Variants in RASSF8 observed in about 807,000 individuals in gnomAD.
RASSF8 encodes the protein ras association domain-containing protein 8.
In RASSF8, 22 loss-of-function variants were observed where a neutral mutation model predicts 48.5. The ratio of observed to expected loss-of-function variants is 0.45; its 90% confidence interval spans 0.32 to 0.65. RASSF8 has a LOEUF of 0.65. Ranked by LOEUF, RASSF8 falls within the 30% of genes least tolerant of loss-of-function variation. RASSF8 has a pLI of 0.03. For missense variants in RASSF8, 418 were observed against 489.2 expected (o/e 0.85, Z 1.37); for synonymous variants, 127 against 171.5 (o/e 0.74, Z 2.03).
chr12:26,051,996 A>G (rs1173658990), intron 2 of RASSF8, among the ~76,000 whole-genome samples: 1 of 152,194 alleles, frequency 6.6e-6, no homozygotes, highest in Non-Finnish European at 1.5e-5. Context: ...ACTCACAAAA[A>G]ACATGGCACC....
intron 2 of RASSF8, among the ~76,000 whole-genome samples, chr12:26,048,245 G>A (rs1210165787): frequency 6.6e-6 from 1 of 152,198 alleles, no homozygotes; most frequent in Non-Finnish European, 1.5e-5. Flanking sequence ...CCTTTTACAT[G>A]CCTGGAGAAA....
chr12:26,059,135 AT>A (rs1943683121), intron 3 of RASSF8, among the ~76,000 whole-genome samples: 2 of 152,240 alleles, frequency 1.3e-5, no homozygotes, highest in Non-Finnish European at 2.9e-5. Context: ...GAGAAAATGC[AT>A]TTGCTTTTAT....
At chr12:26,021,794 C>T (rs1181426439) in intron 2 of RASSF8, among the ~76,000 whole-genome samples, 10 of 152,182 alleles carry the variant, frequency 6.6e-5, no homozygotes, top group Non-Finnish European at 5.9e-5. Context: ...ATTTTGCCCA[C>T]TGAGAGAAGC....
chr12:25,964,938 ATTAATTAAT>A (rs1941322299), intron 1 of RASSF8, among the ~76,000 whole-genome samples: 1 of 151,974 alleles, frequency 6.6e-6, no homozygotes, highest in East Asian at 1.9e-4. Context: ...GCTTTATTTA[ATTAATTAAT>A]TTATATATTT....
intron 1 of RASSF8, among the ~76,000 whole-genome samples, chr12:25,991,466 G>T (rs1942013239): frequency 6.6e-6 from 1 of 151,866 alleles, no homozygotes; most frequent in African/African-American, 2.4e-5. Context: ...AGGGATCCAG[G>T]AATGGCTTGG....
intron 2 of RASSF8, among the ~76,000 whole-genome samples, chr12:26,005,267 A>T (rs1942363316): frequency 6.6e-6 from 1 of 152,050 alleles, no homozygotes; most frequent in Non-Finnish European, 1.5e-5. Flanking sequence ...GGCAGATAGG[A>T]TAATAGTTTG....
At chr12:26,039,204 A>G (rs919209547) in intron 2 of RASSF8, among the ~76,000 whole-genome samples, 2 of 152,208 alleles carry the variant, frequency 1.3e-5, no homozygotes, top group African/African-American at 4.8e-5. Flanking sequence ...TTGCCAGAAG[A>G]ATTAGCTTTT....
At chr12:26,043,055 C>T (rs988971293) in intron 2 of RASSF8, among the ~76,000 whole-genome samples, 6 of 152,072 alleles carry the variant, frequency 3.9e-5, no homozygotes, top group African/African-American at 7.2e-5. Context: ...CTATATTATT[C>T]GACAAACACA....
At chr12:25,995,743 C>G (rs1942117827) in intron 2 of RASSF8, among the ~76,000 whole-genome samples, 2 of 152,120 alleles carry the variant, frequency 1.3e-5, no homozygotes, top group African/African-American at 4.8e-5. Flanking sequence ...CATCTCTTGT[C>G]TCTTGAGCAT....
In RASSF8 at chr12:26,071,688, A is replaced by G; in HGVS notation, c.*2870A>G. 1 of 982,206 alleles carries G rather than the reference A, an allele frequency of 1.0e-6. No homozygotes were observed. The highest frequency in any genetic ancestry group is 1.2e-6 in the Non-Finnish European group (1 of 827,064). The allele number at this position is 982,206 out of a possible 1,614,324, so 60.8% of individuals were successfully genotyped here. On this transcript the variant is annotated 3_prime_UTR_variant, in exon 6 of 6. Transcript: ENST00000689635. ...TTTATAATATGAGACTTCAGTTGGT[A>G]TTAATAGGAGTTACCTATTTAATTC...
intron 1 of RASSF8, among the ~76,000 whole-genome samples, chr12:25,967,475 A>G (rs188698227): frequency 5.1e-4 from 78 of 152,142 alleles, no homozygotes; most frequent in African/African-American, 1.7e-3. Context: ...TCTATTCTTG[A>G]TTATGTGTTT....
chr12:25,963,408 C>G (rs1202364354), intron 1 of RASSF8, among the ~76,000 whole-genome samples: 1 of 149,976 alleles, frequency 6.7e-6, no homozygotes, highest in East Asian at 2.0e-4. Flanking sequence ...TGTGGTTGCT[C>G]TTTACGAAAT....
downstream of RASSF8, among the ~76,000 whole-genome samples, chr12:26,073,813 TATACACATAC>T (rs1199503091): frequency 5.6e-5 from 6 of 107,018 alleles, no homozygotes; most frequent in African/African-American, 1.5e-4. Flanking sequence ...CACACATATA[TATACACATAC>T]ACACACACAC....
At chr12:26,078,897 C>CAA in intron 5 of RASSF8, 2 of 647,482 alleles carry the variant, frequency 3.1e-6, no homozygotes, top group Non-Finnish European at 2.3e-6. Flanking sequence ...AGAAGGTTCT[C>CAA]AAAAAAAAAG....
intron 2 of RASSF8, among the ~76,000 whole-genome samples, chr12:26,002,120 T>A (rs958907645): frequency 6.6e-5 from 10 of 152,236 alleles, no homozygotes; most frequent in Admixed American, 5.9e-4. Context: ...TATGACATAG[T>A]ATATAATTAC....
chr12:26,054,547 A>G (rs556197412), intron 2 of RASSF8, among the ~76,000 whole-genome samples: 2 of 152,200 alleles, frequency 1.3e-5, no homozygotes, highest in Non-Finnish European at 2.9e-5. Flanking sequence ...TCCTTTGACT[A>G]AGATTTTTTA....
intron 2 of RASSF8, among the ~76,000 whole-genome samples, chr12:26,047,305 A>G (rs1475241079): frequency 6.6e-6 from 1 of 152,190 alleles, no homozygotes; most frequent in Non-Finnish European, 1.5e-5. Context: ...TTCCATAAAC[A>G]TTTAAGAAAA....
At chr12:26,073,552 C>T (rs559797283), downstream of RASSF8, among the ~76,000 whole-genome samples, 16 of 152,184 alleles carry the variant, frequency 1.1e-4, no homozygotes, top group South Asian at 2.9e-3. Flanking sequence ...GCCTGGCCAA[C>T]GTGGCGAAAC....
intron 1 of RASSF8, among the ~76,000 whole-genome samples, chr12:25,994,007 C>T (rs945410277): frequency 6.6e-6 from 1 of 152,128 alleles, no homozygotes; most frequent in Non-Finnish European, 1.5e-5. Context: ...GCTTTGGAGA[C>T]AAAGTCTTCA....
Sources: allele counts gnomAD v4.1 joint callset (sites outside exome capture counted in the v4.1 genomes callset), GRCh38; gene constraint gnomAD v4.1.1; transcripts MANE v1.5; gene names NCBI Gene and HGNC (gene_info 2026-07-23, HGNC 2026-07-21).